Variants in KYAT3 observed in about 807,000 individuals in gnomAD.
KYAT3 encodes kynurenine--oxoglutarate transaminase 3.
KYAT3 carries 50 observed loss-of-function variants against 59.0 expected under a neutral mutation model. The observed-to-expected ratio is 0.85, with a 90% CI of 0.68 to 1.07. KYAT3 has a LOEUF of 1.07. Ranked by LOEUF, KYAT3 falls within the 50% of genes least tolerant of loss-of-function variation. KYAT3 has a pLI of 0.00. For synonymous variants in KYAT3, 148 were observed against 177.0 expected, an observed-to-expected ratio of 0.84 and a Z score of 1.30; for missense variants, 497 against 533.3, an observed-to-expected ratio of 0.93 and a Z score of 0.67.
At chr1:88,979,452 C>T (rs557475961) in intron 2 of KYAT3, 1 of 152,300 alleles carries the variant, frequency 6.6e-6, no homozygotes, top group African/African-American at 2.4e-5. Context: ...TATTTACGAA[C>T]ATGTGTCTTA....
At chr1:88,957,607 T>C (rs1238572420) in intron 8 of KYAT3, among the ~76,000 whole-genome samples, 1 of 152,214 alleles carries the variant, frequency 6.6e-6, no homozygotes, top group East Asian at 1.9e-4. Flanking sequence ...TTATTTAAAC[T>C]TTATGGGCTG....
chr1:88,950,223 C>G (rs901404472), intron 10 of KYAT3, among the ~76,000 whole-genome samples: 6 of 152,168 alleles, frequency 3.9e-5, no homozygotes, highest in Non-Finnish European at 8.8e-5. Context: ...CATTAAGGAC[C>G]AGGCAGGTAA....
At chr1:88,942,847 C>T (rs1357683733) in intron 13 of KYAT3, among the ~76,000 whole-genome samples, 158 bp downstream of exon 13, 1 of 152,076 alleles carries the variant, frequency 6.6e-6, no homozygotes, top group Non-Finnish European at 1.5e-5. Context: ...CAGGCATGAG[C>T]CACCACGCCC....
the KYAT3 span, among the ~76,000 whole-genome samples, chr1:88,924,428 T>C: frequency 6.6e-6 from 1 of 152,238 alleles, no homozygotes. Flanking sequence ...GGTGTGTCTG[T>C]GAGCCTTTCC....
rs1675178593 is a variant in KYAT3, at chr1:88,940,036, A to T, written c.1302+2969T>A. 3.3e-5 allele frequency among the ~76,000 whole-genome samples: 5 copies of T among 152,088 alleles called. No homozygotes were observed. In the South Asian group the frequency reaches 1.0e-3, roughly 32 times the overall value. ...CTTTTCCTTATACTGTCCTATATAG[A>T]TTCACAGTTGGTTCCTCTTTTATTA... On this transcript the variant is annotated intron_variant, in intron 13 of 13. Transcript: ENST00000260508.
At position 88,955,110 on chromosome 1, in the gene KYAT3, A is replaced by G. The variant is rs1557687685; in HGVS notation, c.864+39T>C. On this transcript the variant is annotated intron_variant, in intron 9 of 13. Coordinates refer to ENST00000260508, the MANE Select transcript of KYAT3 (RefSeq NM_001008661.3). ...ACTCAACAAAAAATAAATAATATAC[A>G]GGCCTATTTTTAAGCAATTAAATTC... 4.8e-6 allele frequency: 6 copies of G among 1,242,372 alleles called. No homozygotes were observed. The East Asian group carries it at 1.2e-4, about 24-fold the overall frequency. 77.0% of individuals were successfully genotyped at this position (1,242,372 alleles called of 1,614,324 possible).
intron 8 of KYAT3, among the ~76,000 whole-genome samples, chr1:88,960,075 G>A (rs1192661942): frequency 1.3e-5 from 2 of 148,174 alleles, no homozygotes; most frequent in African/African-American, 4.9e-5. Context: ...TGCGACTACA[G>A]GCACAGACCA....
At chr1:88,988,170 A>G (rs1677579762) in intron 2 of KYAT3, 82 bp downstream of exon 2, 1 of 858,802 alleles carries the variant, frequency 1.2e-6, no homozygotes, top group Non-Finnish European at 1.9e-6. Flanking sequence ...AAGTATTTGT[A>G]AAAAAGCATC....
the KYAT3 span, among the ~76,000 whole-genome samples, chr1:88,928,278 T>C: frequency 1.3e-5 from 2 of 152,048 alleles, no homozygotes; most frequent in Non-Finnish European, 2.9e-5. Context: ...AGAAAAAAAC[T>C]TCAGAAGTCC....
chr1:88,936,328 G>T (rs1318841514), intron 13 of KYAT3, 83 bp from the exon 14 acceptor site: 1 of 1,051,368 alleles, frequency 9.5e-7, no homozygotes, highest in Non-Finnish European at 1.4e-6. Flanking sequence ...ACAACATAAT[G>T]AAGATTTAAG....
upstream of KYAT3, chr1:88,992,697 G>C (rs1677890890): frequency 6.6e-6 from 1 of 152,542 alleles, no homozygotes. Context: ...ATTGACTCTG[G>C]GGTTTGCACT....
rs531992242 is a variant in KYAT3, at chr1:88,970,021, A to C, written c.100-554T>G. 3.9e-5 allele frequency among the ~76,000 whole-genome samples: 6 copies of C among 152,298 alleles called. No individual in the cohort carries two copies. The South Asian group carries it at 1.2e-3, about 32-fold the overall frequency. The stretch of plus-strand genomic sequence containing the variant: ...TTCTCACCTAAGGACAAAAAGTATC[A>C]TCCTACCCTAGAAAGCTAATCTGTT... On this transcript the variant is annotated intron_variant, in intron 2 of 13. Transcript: ENST00000260508.
At chr1:88,977,266 A>T (rs1421974990) in intron 2 of KYAT3, among the ~76,000 whole-genome samples, 3 of 152,064 alleles carry the variant, frequency 2.0e-5, no homozygotes, top group African/African-American at 7.2e-5. Flanking sequence ...CAACGGCGCA[A>T]TCTTGGCTCA....
chr1:88,980,611 C>T (rs1220406813), intron 2 of KYAT3: 7 of 152,528 alleles, frequency 4.6e-5, no homozygotes, highest in Admixed American at 1.3e-4. Flanking sequence ...GATTCTTTTT[C>T]CACACGTCTG....
chr1:88,966,622 C>T (rs1676361011), intron 4 of KYAT3, among the ~76,000 whole-genome samples: 1 of 151,500 alleles, frequency 6.6e-6, no homozygotes, highest in Non-Finnish European at 1.5e-5. Flanking sequence ...GCTTTTTTTT[C>T]TTTTAGAATT....
chr1:88,932,055 A>AG (rs1167524341), downstream of KYAT3, among the ~76,000 whole-genome samples: 2 of 152,154 alleles, frequency 1.3e-5, no homozygotes, highest in African/African-American at 4.8e-5. Flanking sequence ...CCCTCACTCC[A>AG]GGGTGCACGC....
chr1:88,931,324 T>C (rs769533195), downstream of KYAT3, among the ~76,000 whole-genome samples: 1 of 152,214 alleles, frequency 6.6e-6, no homozygotes, highest in Non-Finnish European at 1.5e-5. Flanking sequence ...TCTTCCAGAA[T>C]CGAAGCTGTA....
chr1:88,989,637 CTAA>C (rs1488830026), intron 1 of KYAT3, among the ~76,000 whole-genome samples: 1 of 152,088 alleles, frequency 6.6e-6, no homozygotes, highest in Non-Finnish European at 1.5e-5. Context: ...AGGTAATGTG[CTAA>C]TAATAAAAGC....
downstream of KYAT3, among the ~76,000 whole-genome samples, chr1:88,934,856 A>G (rs546415487): frequency 1.3e-5 from 2 of 152,342 alleles, no homozygotes; most frequent in Non-Finnish European, 2.9e-5. Flanking sequence ...TGAAATTATT[A>G]TTCACCAGGT....
Sources: gnomAD v4.1 joint callset for allele counts (sites outside exome capture counted in the v4.1 genomes callset) on GRCh38, gnomAD v4.1.1 for gene constraint, MANE v1.5 for transcripts, NCBI Gene and HGNC (gene_info 2026-07-23, HGNC 2026-07-21) for gene names.